Variants in CEP250 observed in about 807,000 individuals in gnomAD.
CEP250 encodes the protein centrosomal protein 250, also known as centrosome-associated protein CEP250.
In CEP250, 242 loss-of-function variants were observed where a neutral mutation model predicts 315.7. That is an observed-to-expected ratio of 0.77 (90% CI 0.69 to 0.85). The LOEUF (loss-of-function observed/expected upper bound fraction) is 0.85. Ranked by LOEUF, CEP250 falls within the 40% of genes least tolerant of loss-of-function variation. The pLI is 0.00. For missense variants in CEP250, 2,515 were observed against 2,886.4 expected, an observed-to-expected ratio of 0.87 and a Z score of 2.95; for synonymous variants, 1,088 against 1,175.0, an observed-to-expected ratio of 0.93 and a Z score of 1.51.
intron 25 of CEP250, 151 bp downstream of exon 25, chr20:35,496,866 G>C (rs1363471231): frequency 1.3e-6 from 1 of 789,824 alleles, no homozygotes; most frequent in Non-Finnish European, 1.9e-6. Flanking sequence ...CCTACAGGAG[G>C]GGGAAGCCAG....
intron 20 of CEP250, among the ~76,000 whole-genome samples, chr20:35,480,590 C>CTTTT (rs559422487): frequency 8.2e-6 from 1 of 122,162 alleles, no homozygotes; most frequent in Non-Finnish European, 1.7e-5. Context: ...TTTTTTATAT[C>CTTTT]TTTTTTTTTT....
intron 7 of CEP250, 43 bp downstream of exon 7, chr20:35,466,247 A>G (rs568071322): frequency 6.5e-7 from 1 of 1,547,176 alleles, no homozygotes; most frequent in South Asian, 1.2e-5. Flanking sequence ...AAGCCTGTGT[A>G]TTCTGGATGC....
In CEP250 at chr20:35,516,195, A is replaced by C. The variant is rs2064434499; in HGVS notation, c.*4569A>C. 1 of 152,242 alleles carries C rather than the reference A, an allele frequency of 6.6e-6. No homozygotes were observed. The highest frequency in any genetic ancestry group is 1.5e-5 in the Non-Finnish European group (1 of 68,064). The allele number at this position is 152,242 out of a possible 1,614,324, so 9.4% of individuals were successfully genotyped here. The stretch of plus-strand genomic sequence containing the variant: ...TCATCTGAGAGAGTGGGTAACCCCT[A>C]TTCCCAGCACATGGCCATTTATTTA... On this transcript the variant is annotated 3_prime_UTR_variant, in exon 35 of 35. Transcript: ENST00000397527.
chr20:35,472,616 T>A, intron 11 of CEP250, 57 bp from the exon 12 acceptor site: 1 of 1,569,014 alleles, frequency 6.4e-7, no homozygotes, highest in Non-Finnish European at 8.8e-7. Context: ...GTTAAGTCCC[T>A]CTATAGACTC....
chr20:35,506,412 T>C (rs2064186272), intron 30 of CEP250, among the ~76,000 whole-genome samples: 1 of 152,176 alleles, frequency 6.6e-6, no homozygotes, highest in South Asian at 2.1e-4. Flanking sequence ...AAGCACCGTG[T>C]CTTAGTCACC....
chr20:35,479,085 A>T, intron 17 of CEP250, 146 bp from the exon 18 acceptor site: 2 of 728,672 alleles, frequency 2.7e-6, no homozygotes, highest in Non-Finnish European at 4.5e-6. Flanking sequence ...AGGGAAATAG[A>T]TAAATGCCAC....
At position 35,462,520 on chromosome 20, in the gene CEP250, A is replaced by C; in HGVS notation, c.153A>C (p.Arg51Ser). Residue 51 changes from arginine (R) to serine (S), a missense_variant, in exon 4 of 35, where the codon AGA (arginine) becomes AGC (serine). Transcript: ENST00000397527. ...KLKNSQEAQQ[R>S]QATLVRKLQA... ...AGAACTCCCAGGAGGCCCAGCAGAG[A>C]CAAGCAACCCTTGTGAGGAAGCTGC... 1 of 1,609,140 alleles carries C rather than the reference A, an allele frequency of 6.2e-7. No homozygotes were observed. Among genetic ancestry groups the C allele is most frequent in the Non-Finnish European group, 8.5e-7 (1 of 1,177,768 alleles).
chr20:35,460,570 G>A (rs995063020), intron 3 of CEP250, among the ~76,000 whole-genome samples: 7 of 152,118 alleles, frequency 4.6e-5, no homozygotes, highest in African/African-American at 7.2e-5. Context: ...CACGGAGCGC[G>A]TGCCCTGTCT....
rs750146351 is a variant in CEP250, at chr20:35,510,067, T to A, written c.7065+13T>A. The A allele has an allele frequency of 7.4e-6, 12 of 1,613,582 alleles. No individual in the cohort carries two copies. Among genetic ancestry groups the A allele is most frequent in the Middle Eastern group, 1.6e-4 (1 of 6,066 alleles). ...ACTGCAGAAAGAGGTATGTTCTGGA[T>A]TTTCTAAGCCCATATTCCCTCCCTT... On this transcript the variant is annotated intron_variant, in intron 34 of 34. Transcript: ENST00000397527.
chr20:35,505,378 C>T (rs2064156149), intron 30 of CEP250, among the ~76,000 whole-genome samples: 1 of 152,152 alleles, frequency 6.6e-6, no homozygotes, highest in African/African-American at 2.4e-5. Flanking sequence ...CTGGGCCAGG[C>T]ACGGTGGCTC....
In CEP250 at chr20:35,500,188, G is replaced by T. The variant is rs765275407; in HGVS notation, c.3898+19G>T. 5.4e-5 allele frequency: 87 copies of T among 1,612,678 alleles called. No individual in the cohort carries two copies. The highest frequency in any genetic ancestry group is 7.1e-5 in the Non-Finnish European group (84 of 1,179,958). ...CAGGAAGGTGAGAAGCTCAAGACAGGCAGGGAGATTGAGAGGGAGAAGGGA... is the reference window on the plus strand; with the variant it reads ...CAGGAAGGTGAGAAGCTCAAGACAGTCAGGGAGATTGAGAGGGAGAAGGGA... On this transcript the variant is annotated intron_variant, in intron 28 of 34. Transcript: ENST00000397527.
intron 28 of CEP250, among the ~76,000 whole-genome samples, chr20:35,500,517 T>A (rs2063973352): frequency 6.6e-6 from 1 of 152,176 alleles, no homozygotes; most frequent in Non-Finnish European, 1.5e-5. Context: ...ACCTCCAGTG[T>A]CATCTGGCTC....
chr20:35,456,702 G>T (rs770109368), intron 1 of CEP250, among the ~76,000 whole-genome samples: 11 of 152,136 alleles, frequency 7.2e-5, no homozygotes, highest in Non-Finnish European at 1.3e-4. Flanking sequence ...TAATGTAATG[G>T]AGAGAGTGTA....
At chr20:35,496,113 G>A (rs2063827862) in intron 24 of CEP250, among the ~76,000 whole-genome samples, 1 of 152,060 alleles carries the variant, frequency 6.6e-6, no homozygotes, top group Admixed American at 6.6e-5. Context: ...AAAGGGATGG[G>A]GAAGATTTGG....
At chr20:35,477,724 A>T (rs1470300187) in intron 16 of CEP250, 147 bp from the exon 17 acceptor site, 1 of 680,822 alleles carries the variant, frequency 1.5e-6, no homozygotes, top group Non-Finnish European at 2.5e-6. Flanking sequence ...GATCAAATGA[A>T]TGGATTTTCC....
At position 35,494,634 on chromosome 20, in the gene CEP250, G is replaced by A. The variant is rs372995024; in HGVS notation, c.3144G>A (p.Lys1048=). The change falls in exon 24 of 35, where the codon AAG becomes AAA. Residue 1048 remains lysine (K), a synonymous_variant. Transcript: ENST00000397527. ...CCCAGGAGTATAACCGAATTCAGAA[G>A]GAGCTGGAGAGAGAGAAAGCCAGGT... is the stretch of plus-strand genomic sequence containing the variant. ...RETQEYNRIQ[K]ELEREKASLT... is the part of the protein sequence containing the mutation. The A allele has an allele frequency of 3.1e-6, 5 of 1,614,000 alleles. No individual in the cohort carries two copies. Among genetic ancestry groups the A allele is most frequent in the Non-Finnish European group, 3.4e-6 (4 of 1,179,994 alleles).
intron 20 of CEP250, among the ~76,000 whole-genome samples, chr20:35,489,966 C>G (rs1385094126): frequency 6.6e-6 from 1 of 152,116 alleles, no homozygotes; most frequent in East Asian, 1.9e-4. Flanking sequence ...ACCACTTGCG[C>G]CCAGGAGTTC....
At chr20:35,509,326 T>C (rs1415322545) in intron 33 of CEP250, among the ~76,000 whole-genome samples, 1 of 152,158 alleles carries the variant, frequency 6.6e-6, no homozygotes, top group African/African-American at 2.4e-5. Context: ...GGAGTGGGGC[T>C]CATGGGGCTC....
At position 35,495,750 on chromosome 20, in the gene CEP250, A is replaced by C. The variant is rs189116099; in HGVS notation, c.3168-827A>C. 2.1e-3 allele frequency among the ~76,000 whole-genome samples: 320 copies of C among 152,108 alleles called. 4 individuals are homozygous for C. The highest frequency in any genetic ancestry group is 6.8e-3 in the African/African-American group (284 of 41,490). ...CGGTGACAGAACGAGACTCCATCTC[A>C]AAAAAAGCAAAAAACAACAAAAAAA... On this transcript the variant is annotated intron_variant, in intron 24 of 34. Coordinates refer to ENST00000397527, the MANE Select transcript of CEP250 (RefSeq NM_007186.6).
Sources: allele counts gnomAD v4.1 joint callset (sites outside exome capture counted in the v4.1 genomes callset), GRCh38; gene constraint gnomAD v4.1.1; transcripts MANE v1.5; gene names NCBI Gene and HGNC (gene_info 2026-07-23, HGNC 2026-07-21).